Variants in SHANK2 observed in about 807,000 individuals in gnomAD.
SHANK2 encodes SH3 and multiple ankyrin repeat domains 2, also known as SH3 and multiple ankyrin repeat domains protein 2.
SHANK2 carries 43 observed loss-of-function variants against 133.7 expected under a neutral mutation model. The ratio of observed to expected loss-of-function variants is 0.32; its 90% CI spans 0.25 to 0.41. The LOEUF is 0.41. SHANK2 is among the 10% of genes least tolerant of loss of function. The pLI, the probability that SHANK2 is intolerant of heterozygous loss-of-function variation, is 1.00. For missense variants in SHANK2, 1,994 were observed against 2,235.8 expected (o/e 0.89, Z 2.18); for synonymous variants, 1,017 against 952.8 (o/e 1.07, Z -1.24).
Position 70,500,805 on chromosome 11 carries a change from C to T in SHANK2, c.2288-215G>A, listed in dbSNP as rs2059039606. The T allele has an allele frequency of 1.4e-6, 1 of 728,984 alleles. No homozygotes were observed. The highest frequency in any genetic ancestry group is 2.0e-5 in the Admixed American group (1 of 49,946). 45.2% of individuals were successfully genotyped at this position (728,984 alleles called of 1,614,324 possible). A position where few individuals can be genotyped will look rare whatever the true frequency, so the allele number is the denominator to read the frequency against. The stretch of plus-strand genomic sequence containing the variant: ...GGCTGCCCGCACAACTCTGTCCTGT[C>T]TGCCCTGCTCGTTAACCTACTGCCT... On this transcript the variant is annotated intron_variant, in intron 20 of 25. Coordinates refer to ENST00000601538, the MANE Select transcript of SHANK2 (RefSeq NM_012309.5). This position sits in a 1 kb window ranked among gnomAD's most constrained non-coding sequence, Gnocchi z 4.5.
chr11:71,174,509 G>A (rs890686565), intron 2 of SHANK2, among the ~76,000 whole-genome samples: 46 of 151,664 alleles, frequency 3.0e-4, no homozygotes, highest in Non-Finnish European at 4.9e-4. Context: ...GTGAAACCCC[G>A]TCTCTACTAA....
chr11:70,486,091 A>C lies in SHANK2; in HGVS notation c.4202T>G (p.Leu1401Trp). 6.2e-7 allele frequency: 1 copy of C among 1,614,096 alleles called. No individual in the cohort carries two copies. The highest frequency in any genetic ancestry group is 8.5e-7 in the Non-Finnish European group (1 of 1,180,030). ...IPPPPLASVD[L>W]DEDFIFTEPL... ...CTCTGTAAAAATAAAATCCTCATCC[A>C]AGTCCACGGATGCCAGAGGGGGAGG... Residue 1401 changes from leucine to tryptophan, a missense_variant, in exon 25 of 26, where the codon TTG (leucine) becomes TGG (tryptophan). Physicochemically the swap from Leu to Trp is moderately conservative, Grantham distance 61. Coordinates refer to ENST00000601538, the MANE Select transcript of SHANK2 (RefSeq NM_012309.5). This position sits in a 1 kb window ranked among gnomAD's most constrained non-coding sequence, Gnocchi z 8.0.
rs782608335 is a variant in SHANK2 at position 70,612,640 on chromosome 11, G to A, written c.2061+47188C>T. On this transcript the variant is annotated intron_variant, in intron 17 of 25. Coordinates refer to ENST00000601538, the MANE Select transcript of SHANK2 (RefSeq NM_012309.5). ...GCTCAACGCTCCAGAAGCCCCCAGCGGCCCCCGGCAGCCACCTTCCTCCCT... is the reference window on the plus strand; with the variant it reads ...GCTCAACGCTCCAGAAGCCCCCAGCAGCCCCCGGCAGCCACCTTCCTCCCT... 2.6e-5 allele frequency among the ~76,000 whole-genome samples: 4 copies of A among 152,124 alleles called. No individual in the cohort carries two copies. The East Asian group carries it at 5.8e-4, about 22-fold the overall frequency.
At chr11:70,763,289 T>C (rs959106596) in intron 14 of SHANK2, among the ~76,000 whole-genome samples, 15 of 151,964 alleles carry the variant, frequency 9.9e-5, no homozygotes, top group African/African-American at 2.7e-4. Flanking sequence ...TACATAACCA[T>C]CTTTGAGACA....
intron 10 of SHANK2, among the ~76,000 whole-genome samples, chr11:70,916,859 T>C (rs1276318139): frequency 6.6e-6 from 1 of 152,142 alleles, no homozygotes; most frequent in Non-Finnish European, 1.5e-5. Context: ...TGTACAAATG[T>C]CCTCCTATGA....
At chr11:70,548,060 G>T (rs545476526) in intron 17 of SHANK2, among the ~76,000 whole-genome samples, 2 of 152,250 alleles carry the variant, frequency 1.3e-5, no homozygotes, top group Admixed American at 6.5e-5. Flanking sequence ...CAAAGGAGGC[G>T]CTGACATATG....
chr11:71,073,008 G>A lies in SHANK2; in HGVS notation c.1029+2151C>T, dbSNP rs903764919. ...CCATGTAAATGTACTTAATGCCACC[G>A]AACTGCATACTTAAAAGTGGTTAAA... On this transcript the variant is annotated intron_variant, in intron 9 of 25. Transcript: ENST00000601538. Among the ~76,000 whole-genome samples the A allele has an allele frequency of 5.0e-3, 758 of 152,116 alleles. 1 individual carries two copies. The highest frequency in any genetic ancestry group is 0.017 in the African/African-American group (723 of 41,486).
intron 15 of SHANK2, among the ~76,000 whole-genome samples, chr11:70,677,538 C>T (rs1273864197): frequency 5.3e-5 from 8 of 152,204 alleles, no homozygotes; most frequent in African/African-American, 1.9e-4. Flanking sequence ...GGGGCTGAAG[C>T]GTCTCCCAAT....
In SHANK2 at chr11:70,659,840, G is replaced by A; in HGVS notation, c.2049C>T (p.Asp683=). Residue 683 remains aspartate, a synonymous_variant, in exon 17 of 26, where the codon GAC becomes GAT. Coordinates refer to ENST00000601538, the MANE Select transcript of SHANK2 (RefSeq NM_012309.5). Reference sequence around the variant, plus strand: ...CCTGTGTCCCTACCTCAATCAAGAAGTCCCCGGTCCTTAGTCCGGCTTGCC... The same window carrying A: ...CCTGTGTCCCTACCTCAATCAAGAAATCCCCGGTCCTTAGTCCGGCTTGCC... The part of the protein sequence containing the change: ...VAWQAGLRTG[D]FLIEVNNENV... The A allele has an allele frequency of 1.9e-6, 3 of 1,614,100 alleles. No individual in the cohort carries two copies. Among genetic ancestry groups the A allele is most frequent in the East Asian group, 4.5e-5 (2 of 44,874 alleles).
chr11:70,719,320 T>A lies in SHANK2; in HGVS notation c.1778-20557A>T, dbSNP rs930852597. Among the ~76,000 whole-genome samples, 3 of 152,190 alleles carry A rather than the reference T, an allele frequency of 2.0e-5. No individual in the cohort carries two copies. The East Asian group carries it at 5.8e-4, about 29-fold the overall frequency. ...TCAAAGTCACACAGCCAGGTAAGGG[T>A]GGACTTGGGGCTAGAACCCAGCGCT... On this transcript the variant is annotated intron_variant, in intron 14 of 25. Transcript: ENST00000601538.
chr11:70,953,655 C>T (rs573255840), intron 10 of SHANK2, among the ~76,000 whole-genome samples: 3 of 152,224 alleles, frequency 2.0e-5, no homozygotes, highest in East Asian at 3.9e-4. Context: ...TAGTTCTTGC[C>T]GTGCTAGCAG....
chr11:71,186,990 C>T (rs1460596870), intron 2 of SHANK2, among the ~76,000 whole-genome samples: 1 of 152,232 alleles, frequency 6.6e-6, no homozygotes, highest in African/African-American at 2.4e-5. Flanking sequence ...TTTATTAACA[C>T]ATGCCGCCAA....
chr11:70,867,471 C>A (rs1218198895), intron 11 of SHANK2, among the ~76,000 whole-genome samples: 1 of 152,156 alleles, frequency 6.6e-6, no homozygotes. Context: ...GGGAGTACGG[C>A]ATGCGCATGA....
At chr11:71,155,156 G>A (rs56997079) in intron 2 of SHANK2, among the ~76,000 whole-genome samples, 2 of 88,054 alleles carry the variant, frequency 2.3e-5, no homozygotes, top group Non-Finnish European at 2.1e-5. Flanking sequence ...CGGAGGAGGA[G>A]TGGACCTACC....
At chr11:70,660,461 C>G (rs2061468187) in intron 16 of SHANK2, among the ~76,000 whole-genome samples, 2 of 152,178 alleles carry the variant, frequency 1.3e-5, no homozygotes, top group Admixed American at 1.3e-4. Context: ...GTCCTCTCTA[C>G]AGGGAGTCCA....
At chr11:70,821,088 C>T (rs950023962) in intron 11 of SHANK2, among the ~76,000 whole-genome samples, 3 of 152,182 alleles carry the variant, frequency 2.0e-5, no homozygotes, top group Non-Finnish European at 4.4e-5. Context: ...CTAAGTTGAG[C>T]CTCTGGGGTG....
intron 15 of SHANK2, among the ~76,000 whole-genome samples, chr11:70,681,491 GCACATCCAC>G (rs1436754169): frequency 6.6e-6 from 1 of 152,080 alleles, no homozygotes; most frequent in Non-Finnish European, 1.5e-5. Context: ...GCCGAAAGGT[GCACATCCAC>G]CACATCCACC....
intron 17 of SHANK2, among the ~76,000 whole-genome samples, chr11:70,653,552 C>G (rs2134225626): frequency 6.8e-6 from 1 of 148,066 alleles, no homozygotes; most frequent in South Asian, 2.2e-4. Context: ...AAGTGATTCT[C>G]CTGCCTCAGC....
At chr11:70,946,529 T>A (rs1465935941) in intron 10 of SHANK2, among the ~76,000 whole-genome samples, 1 of 128,270 alleles carries the variant, frequency 7.8e-6, no homozygotes, top group Admixed American at 8.1e-5. Flanking sequence ...TCACCATCCC[T>A]CTCCACTAAC....
Sources: allele counts gnomAD v4.1 joint callset (sites outside exome capture counted in the v4.1 genomes callset), GRCh38; gene constraint gnomAD v4.1.1; non-coding constraint Gnocchi (gnomAD v3.1); transcripts MANE v1.5; gene names NCBI Gene and HGNC (gene_info 2026-07-23, HGNC 2026-07-21).